Variants in PDE1A observed in about 807,000 individuals in gnomAD.
The protein encoded by PDE1A is dual specificity calcium/calmodulin-dependent 3',5'-cyclic nucleotide phosphodiesterase 1A.
Under a neutral mutation model 61.7 loss-of-function variants are expected in PDE1A, and 35 were observed. The ratio of observed to expected loss-of-function variants is 0.57; its 90% confidence interval spans 0.43 to 0.75. The LOEUF (loss-of-function observed/expected upper bound fraction) is 0.75. Among genes scored for constraint, PDE1A ranks in the 30% least tolerant of loss-of-function variants. The pLI is 0.00. For synonymous variants in PDE1A, 232 were observed against 213.2 expected (o/e 1.09, Z -0.77); for missense variants, 597 against 630.6 (o/e 0.95, Z 0.57).
At chr2:182,253,035 G>A (rs1350879526) in intron 2 of PDE1A, among the ~76,000 whole-genome samples, 1 of 152,204 alleles carries the variant, frequency 6.6e-6, no homozygotes, top group Admixed American at 6.5e-5. Flanking sequence ...TTTATGATGG[G>A]ATCAGTGTTT....
chr2:182,142,423 G>C (rs555376433), downstream of PDE1A: 27 of 152,312 alleles, frequency 1.8e-4, no homozygotes, highest in African/African-American at 5.8e-4. Context: ...CAGTATGAGA[G>C]TTTACAAAGG....
At chr2:182,221,692 G>T (rs935370496) in intron 7 of PDE1A, among the ~76,000 whole-genome samples, 1 of 151,908 alleles carries the variant, frequency 6.6e-6, no homozygotes, top group Non-Finnish European at 1.5e-5. Context: ...GCTACAATGT[G>T]TAAGCCCACC....
intron 1 of PDE1A, among the ~76,000 whole-genome samples, chr2:182,266,904 G>A (rs752125508): frequency 3.3e-5 from 5 of 152,056 alleles, no homozygotes; most frequent in Non-Finnish European, 7.4e-5. Flanking sequence ...GAATGAAATC[G>A]CCCATCTCTG....
intron 2 of PDE1A, among the ~76,000 whole-genome samples, chr2:182,516,059 A>C (rs750429804): frequency 3.9e-4 from 59 of 151,264 alleles, no homozygotes; most frequent in Non-Finnish European, 6.8e-4. Flanking sequence ...GAAGGCATGT[A>C]TTAGATTTTT....
At chr2:182,656,846 T>C in the PDE1A span, among the ~76,000 whole-genome samples, 1 of 152,204 alleles carries the variant, frequency 6.6e-6, no homozygotes, top group African/African-American at 2.4e-5. Flanking sequence ...TGGCCAGACT[T>C]AGGATGGTGT....
At chr2:182,404,785 G>A (rs184335362) in intron 1 of PDE1A, among the ~76,000 whole-genome samples, 1 of 152,128 alleles carries the variant, frequency 6.6e-6, no homozygotes, top group African/African-American at 2.4e-5. Flanking sequence ...GCAATACCAC[G>A]CATGGAGCTG....
intron 2 of PDE1A, among the ~76,000 whole-genome samples, chr2:182,473,312 A>C (rs1687150174): frequency 1.3e-5 from 2 of 151,934 alleles, no homozygotes; most frequent in Non-Finnish European, 2.9e-5. Flanking sequence ...TCTGCACAGC[A>C]AAAGAAACTA....
the PDE1A span, among the ~76,000 whole-genome samples, chr2:182,538,184 T>G: frequency 6.6e-6 from 1 of 152,190 alleles, no homozygotes; most frequent in African/African-American, 2.4e-5. Flanking sequence ...TTGGTCTGTT[T>G]ATCCAGCCTA....
At chr2:182,636,335 A>G in the PDE1A span, among the ~76,000 whole-genome samples, 1 of 152,206 alleles carries the variant, frequency 6.6e-6, no homozygotes, top group South Asian at 2.1e-4. Flanking sequence ...CAAAAATGGA[A>G]TTCACTGGGG....
chr2:182,624,726 T>A, the PDE1A span, among the ~76,000 whole-genome samples: 1 of 152,314 alleles, frequency 6.6e-6, no homozygotes, highest in African/African-American at 2.4e-5. Context: ...ACATTTCTTA[T>A]TGGGCTCTCA....
intron 1 of PDE1A, among the ~76,000 whole-genome samples, chr2:182,288,693 T>C (rs1056434215): frequency 1.3e-5 from 2 of 152,028 alleles, no homozygotes; most frequent in African/African-American, 4.8e-5. Context: ...GTAGCATCCA[T>C]GTCAGACGTG....
chr2:182,688,370 T>C, the PDE1A span, among the ~76,000 whole-genome samples: 26 of 152,150 alleles, frequency 1.7e-4, no homozygotes, highest in Non-Finnish European at 3.4e-4. Flanking sequence ...TGGGGGCCAA[T>C]ATACAACATT....
chr2:182,560,393 T>A, the PDE1A span, among the ~76,000 whole-genome samples: 3 of 151,748 alleles, frequency 2.0e-5, no homozygotes, highest in South Asian at 6.3e-4. Context: ...GGACATGAAC[T>A]CATCATTTTT....
chr2:182,290,922 T>C (rs1337239109), intron 1 of PDE1A, among the ~76,000 whole-genome samples: 1 of 152,070 alleles, frequency 6.6e-6, no homozygotes, highest in African/African-American at 2.4e-5. Context: ...CTGAATTTTA[T>C]ATAAATGGCA....
chr2:182,566,785 G>T, the PDE1A span, among the ~76,000 whole-genome samples: 1 of 152,060 alleles, frequency 6.6e-6, no homozygotes, highest in Non-Finnish European at 1.5e-5. Flanking sequence ...TACCAGTTGT[G>T]AGTTGATTTT....
chr2:182,602,992 C>CATACAT, the PDE1A span, among the ~76,000 whole-genome samples: 665 of 130,488 alleles, frequency 5.1e-3, 2 homozygotes, highest in African/African-American at 0.014. Flanking sequence ...CACACACACA[C>CATACAT]ACATACATAC....
At chr2:182,182,016 T>C (rs1440150696) in intron 13 of PDE1A, among the ~76,000 whole-genome samples, 3 of 152,252 alleles carry the variant, frequency 2.0e-5, no homozygotes, top group African/African-American at 7.2e-5. Context: ...TCAATTTTAC[T>C]GTTTTTTACA....
intron 1 of PDE1A, among the ~76,000 whole-genome samples, chr2:182,414,337 T>G (rs1201647377): frequency 6.6e-6 from 1 of 152,144 alleles, no homozygotes; most frequent in Non-Finnish European, 1.5e-5. Flanking sequence ...AGTCTGAGTC[T>G]TAAATGTGGA....
At chr2:182,709,974 A>ACTGGTT in the PDE1A span, among the ~76,000 whole-genome samples, 4 of 152,224 alleles carry the variant, frequency 2.6e-5, no homozygotes, top group African/African-American at 9.6e-5. Context: ...TTGGCTCACC[A>ACTGGTT]CAACCTCCGA....
Sources: allele counts gnomAD v4.1 joint callset (sites outside exome capture counted in the v4.1 genomes callset), GRCh38; gene constraint gnomAD v4.1.1; transcripts MANE v1.5; gene names NCBI Gene and HGNC (gene_info 2026-07-23, HGNC 2026-07-21).